Variants in ZNF546 observed in about 807,000 individuals in gnomAD.
ZNF546 encodes the protein zinc finger protein 546.
Under a neutral mutation model 76.2 loss-of-function variants are expected in ZNF546, and 60 were observed. The ratio of observed to expected loss-of-function variants is 0.79; its 90% CI spans 0.64 to 0.98. The LOEUF is 0.98. Among genes scored for constraint, ZNF546 ranks in the 50% least tolerant of loss-of-function variants. The pLI, the probability that ZNF546 is intolerant of heterozygous loss-of-function variation, is 0.00. For synonymous variants in ZNF546, 277 were observed against 328.1 expected (o/e 0.84, Z 1.68); for missense variants, 936 against 1,035.6 (o/e 0.90, Z 1.32).
At chr19:40,006,058 A>T in intron 3 of ZNF546, 38 bp from the exon 4 acceptor site, 1 of 1,564,188 alleles carries the variant, frequency 6.4e-7, no homozygotes, top group East Asian at 2.2e-5. Flanking sequence ...GAGTTTTGAC[A>T]CACATCTGGT....
chr19:40,003,899 C>T (rs1472845865), intron 3 of ZNF546, among the ~76,000 whole-genome samples: 3 of 151,442 alleles, frequency 2.0e-5, no homozygotes, highest in South Asian at 4.2e-4. Flanking sequence ...GTAATCCCAG[C>T]GACTCGGGAG....
rs1971824696 is a variant in ZNF546, at chr19:40,019,408, G to A, written c.*3627G>A. ...AAATAAGTCAATATAAGAAAGAAGG[G>A]AGGATCATTAAAAGGAGTTAATGAA... On this transcript the variant is annotated 3_prime_UTR_variant, in exon 7 of 7. Transcript: ENST00000347077. 6.6e-6 allele frequency: 1 copy of A among 152,126 alleles called. No individual in the cohort carries two copies. Among genetic ancestry groups the A allele is most frequent in the Non-Finnish European group, 1.5e-5 (1 of 68,012 alleles). 9.4% of individuals were successfully genotyped at this position (152,126 alleles called of 1,614,324 possible). A position where few individuals can be genotyped will look rare whatever the true frequency, so the allele number is the denominator to read the frequency against.
Position 40,006,119 on chromosome 19 carries a change from C to A in ZNF546, c.108C>A (p.Cys36Ter), listed in dbSNP as rs766009886. 1.2e-6 allele frequency: 2 copies of A among 1,614,034 alleles called. No individual in the cohort carries two copies. The highest frequency in any genetic ancestry group is 1.7e-6 in the Non-Finnish European group (2 of 1,179,964). ...SIMPRFLWIL[C>*]FSMEETQGEL... ...AGCCCCGGTTTCTCTGGATTCTGTG[C>A]TTCTCCATGGAGGAAACTCAAGGAG... The change falls in exon 4 of 7, where the codon TGC becomes TGA. Residue 36 changes from cysteine (C) to a stop codon, truncating the protein, a stop_gained. Transcript: ENST00000347077. LOFTEE classifies it high-confidence loss of function.
chr19:40,004,696 C>G (rs1314363093), intron 3 of ZNF546, among the ~76,000 whole-genome samples: 2 of 151,898 alleles, frequency 1.3e-5, no homozygotes, highest in African/African-American at 4.8e-5. Context: ...TTCTGCCTGT[C>G]CTTCGTTCTT....
chr19:39,998,880 C>T lies in ZNF546; in HGVS notation c.84+470C>T, dbSNP rs546074307. 1.5e-3 allele frequency among the ~76,000 whole-genome samples: 234 copies of T among 152,244 alleles called. 1 individual carries two copies. The highest frequency in any genetic ancestry group is 5.5e-3 in the African/African-American group (228 of 41,544). On this transcript the variant is annotated intron_variant, in intron 3 of 6. Transcript: ENST00000347077. The stretch of plus-strand genomic sequence containing the variant: ...CTCTGCCTCCTGGGTTCAAGTGATT[C>T]TCCTGCCTCAGCCTCCCAGGTAGCT...
In ZNF546 at chr19:40,020,730, A is replaced by G. The variant is rs1971844271; in HGVS notation, c.*4949A>G. The stretch of plus-strand genomic sequence containing the variant: ...TCATTCAGAATATCTAATATTTTGG[A>G]TGTGAGCCCACACTGGAAATGCCAT... On this transcript the variant is annotated 3_prime_UTR_variant, in exon 7 of 7. Coordinates refer to ENST00000347077, the MANE Select transcript of ZNF546 (RefSeq NM_178544.5). The G allele has an allele frequency of 6.6e-6, 1 of 152,178 alleles. No individual in the cohort carries two copies. The highest frequency in any genetic ancestry group is 2.4e-5 in the African/African-American group (1 of 41,444). The allele number at this position is 152,178 out of a possible 1,614,324, so 9.4% of individuals were successfully genotyped here.
chr19:40,000,615 C>CAA (rs550470156), intron 3 of ZNF546, among the ~76,000 whole-genome samples: 2 of 56,678 alleles, frequency 3.5e-5, no homozygotes, highest in Admixed American at 1.8e-4. Flanking sequence ...GACTCTGTCT[C>CAA]AAAAAAAAAA....
At chr19:40,007,200 T>C in intron 4 of ZNF546, 74 bp from the exon 5 acceptor site, 1 of 1,268,012 alleles carries the variant, frequency 7.9e-7, no homozygotes, top group Non-Finnish European at 1.0e-6. Flanking sequence ...CTATGTTGCT[T>C]CTTTCCTGCA....
At chr19:40,000,864 A>G (rs1490189718) in intron 3 of ZNF546, among the ~76,000 whole-genome samples, 2 of 152,042 alleles carry the variant, frequency 1.3e-5, no homozygotes, top group African/African-American at 4.8e-5. Context: ...CATTACATTT[A>G]TTGTGCATTT....
chr19:39,998,231 A>C lies in ZNF546; in HGVS notation c.-79-17A>C. The C allele has an allele frequency of 1.1e-6, 1 of 909,032 alleles. No individual in the cohort carries two copies. The highest frequency in any genetic ancestry group is 1.7e-6 in the Non-Finnish European group (1 of 572,584). 56.3% of individuals were successfully genotyped at this position (909,032 alleles called of 1,614,324 possible). On this transcript the variant is annotated splice_polypyrimidine_tract_variant and intron_variant, in intron 2 of 6. Coordinates refer to ENST00000347077, the MANE Select transcript of ZNF546 (RefSeq NM_178544.5). ...AGTAAATCTTTAAATAAATGCATAAAATGTTTTTGTTTTTAGGAAATGGAA... is the reference window on the plus strand; with the variant it reads ...AGTAAATCTTTAAATAAATGCATAACATGTTTTTGTTTTTAGGAAATGGAA...
In ZNF546 at chr19:40,013,951, ACAACAGTCATACCTTATT is replaced by A; in HGVS notation, c.687_704del (p.Gln229_Gln234del). Reference sequence around the variant, plus strand: ...GTAAGGAATGTAGAAAGGCCTTTAGACAACAGTCATACCTTATTCAACATCTGAGAATTCACACTGGTG... The same window carrying A: ...GTAAGGAATGTAGAAAGGCCTTTAGACAACATCTGAGAATTCACACTGGTG... On this transcript the variant is annotated inframe_deletion, in exon 7 of 7. Transcript: ENST00000347077. 1 of 1,612,192 alleles carries A rather than the reference ACAACAGTCATACCTTATT, an allele frequency of 6.2e-7. No homozygotes were observed. The highest frequency in any genetic ancestry group is 8.5e-7 in the Non-Finnish European group (1 of 1,178,956).
chr19:40,017,558 C>T lies in ZNF546; in HGVS notation c.*1777C>T, dbSNP rs1330666697. 1 of 152,198 alleles carries T rather than the reference C, an allele frequency of 6.6e-6. No individual in the cohort carries two copies. Among genetic ancestry groups the T allele is most frequent in the Non-Finnish European group, 1.5e-5 (1 of 68,026 alleles). The allele number at this position is 152,198 out of a possible 1,614,324, so 9.4% of individuals were successfully genotyped here. On this transcript the variant is annotated 3_prime_UTR_variant, in exon 7 of 7. Transcript: ENST00000347077. ...TACTTAATTGCTATATAACAATTGT[C>T]CAACCTGTCTGTGCCCCAGGGCAGC...
intron 6 of ZNF546, among the ~76,000 whole-genome samples, chr19:40,012,989 A>G (rs1467968314): frequency 2.0e-5 from 3 of 151,588 alleles, no homozygotes; most frequent in Non-Finnish European, 4.4e-5. Context: ...AATTTTTTGT[A>G]TTTTTAGTAG....
At chr19:40,009,614 T>TC (rs892482991) in intron 6 of ZNF546, among the ~76,000 whole-genome samples, 4 of 152,142 alleles carry the variant, frequency 2.6e-5, no homozygotes, top group African/African-American at 9.7e-5. Flanking sequence ...AATAAACATA[T>TC]CCATCACCTC....
chr19:40,008,111 T>C (rs970161174), intron 5 of ZNF546, among the ~76,000 whole-genome samples: 1 of 152,210 alleles, frequency 6.6e-6, no homozygotes, highest in African/African-American at 2.4e-5. Context: ...TTGCATTTGA[T>C]AAAAGTGAAT....
rs1445154854 is a variant in ZNF546 at position 40,014,242 on chromosome 19, T to C, written c.972T>C (p.Ala324=). 19 of 1,613,642 alleles carry C rather than the reference T, an allele frequency of 1.2e-5. No individual in the cohort carries two copies. Among genetic ancestry groups the C allele is most frequent in the Non-Finnish European group, 1.6e-5 (19 of 1,179,618 alleles). Reference sequence around the variant, plus strand: ...TTAGAGTACATCAGACAATTCATGCTGGAGAGAGACCTTATGAATGTAAAG... The same window carrying C: ...TTAGAGTACATCAGACAATTCATGCCGGAGAGAGACCTTATGAATGTAAAG... ...RDLRVHQTIH[A]GERPYECKEC... The change falls in exon 7 of 7, where the codon GCT becomes GCC. Residue 324 remains alanine, a synonymous_variant. Transcript: ENST00000347077.
Position 40,007,301 on chromosome 19 carries a change from A to T in ZNF546, c.199A>T (p.Ile67Leu). Residue 67 changes from isoleucine to leucine, a missense_variant, in exon 5 of 7, where the codon ATA (isoleucine) becomes TTA (leucine). Ile to Leu is a conservative substitution (Grantham distance 5, BLOSUM62 2). Transcript: ENST00000347077. ...NVSLAFRDVSIDLSQEEWECL... is the reference protein window; with the variant it reads ...NVSLAFRDVSLDLSQEEWECL... ...ATCTTTGGCATTTAGGGATGTGTCCATAGACCTCTCCCAAGAGGAGTGGGA... is the reference window on the plus strand; with the variant it reads ...ATCTTTGGCATTTAGGGATGTGTCCTTAGACCTCTCCCAAGAGGAGTGGGA... 2 of 1,602,380 alleles carry T rather than the reference A, an allele frequency of 1.2e-6. No individual in the cohort carries two copies. Among genetic ancestry groups the T allele is most frequent in the South Asian group, 2.2e-5 (2 of 89,328 alleles).
In ZNF546 at chr19:40,014,631, C is replaced by G; in HGVS notation, c.1361C>G (p.Thr454Arg). 1 of 1,610,104 alleles carries G rather than the reference C, an allele frequency of 6.2e-7. No homozygotes were observed. The highest frequency in any genetic ancestry group is 1.1e-5 in the South Asian group (1 of 90,870). ...RECGKAFRLQ[T>R]ELTRHHRTHT... The stretch of plus-strand genomic sequence containing the variant: ...TGTGGAAAAGCCTTTCGTCTTCAAA[C>G]GGAACTTACTCGGCATCATAGAACT... The change falls in exon 7 of 7, where the codon ACG (threonine) becomes AGG (arginine). Residue 454 changes from threonine to arginine, a missense_variant. By Grantham distance (71) the Thr-to-Arg change is moderately conservative. Coordinates refer to ENST00000347077, the MANE Select transcript of ZNF546 (RefSeq NM_178544.5).
At chr19:39,997,180 C>G (rs1971464152) in intron 1 of ZNF546, 23 bp downstream of exon 1, 1 of 152,382 alleles carries the variant, frequency 6.6e-6, no homozygotes, top group Non-Finnish European at 1.5e-5. Context: ...GGGACTCTTA[C>G]GAGTAGGACT....
Sources: allele counts gnomAD v4.1 joint callset (sites outside exome capture counted in the v4.1 genomes callset), GRCh38; gene constraint gnomAD v4.1.1; transcripts MANE v1.5; gene names NCBI Gene and HGNC (gene_info 2026-07-23, HGNC 2026-07-21).